The following KDM4B variants were observed in gnomAD, a reference collection of about 807,000 sequenced individuals.
The protein encoded by KDM4B is lysine-specific demethylase 4B.
In KDM4B, 32 loss-of-function variants were observed where a neutral mutation model predicts 125.2. That is an observed-to-expected ratio of 0.26 (90% confidence interval 0.19 to 0.34). The LOEUF is 0.34. Among genes scored for constraint, KDM4B ranks in the 10% least tolerant of loss-of-function variants. KDM4B has a pLI of 1.00. For synonymous variants in KDM4B, 721 were observed against 677.9 expected (o/e 1.06, Z -0.99); for missense variants, 1,190 against 1,577.7 (o/e 0.75, Z 4.16).
chr19:5,063,986 C>T (rs559147920), intron 6 of KDM4B, among the ~76,000 whole-genome samples: 41 of 152,304 alleles, frequency 2.7e-4, no homozygotes, highest in Admixed American at 2.0e-3. Flanking sequence ...TGTTGGGTCT[C>T]GCAGGAAGCC....
intron 9 of KDM4B, among the ~76,000 whole-genome samples, chr19:5,094,296 G>A (rs953669140): frequency 3.3e-5 from 5 of 152,266 alleles, no homozygotes; most frequent in African/African-American, 1.2e-4. Context: ...AGGATGCTGA[G>A]TAGCGCGGGG....
rs545853394 is a variant in KDM4B at position 5,142,000 on chromosome 19, G to T, written c.2551-1967G>T. ...CTCCTCAGGGGTTGGGGTTGTTTGC[G>T]AAAGCAGGTTGGTGGACAGCCACTG... On this transcript the variant is annotated intron_variant, in intron 18 of 22. Transcript: ENST00000159111. The surrounding 1 kb of genome is among the most constrained non-coding windows in gnomAD (Gnocchi z 6.4). Among the ~76,000 whole-genome samples the T allele has an allele frequency of 6.6e-6, 1 of 152,192 alleles. No homozygotes were observed. The highest frequency in any genetic ancestry group is 1.5e-5 in the Non-Finnish European group (1 of 68,018).
chr19:5,030,178 C>G (rs1301508341), intron 2 of KDM4B, among the ~76,000 whole-genome samples: 1 of 152,196 alleles, frequency 6.6e-6, no homozygotes, highest in East Asian at 1.9e-4. Context: ...GCAATCACAG[C>G]TCACTGAAGC....
chr19:5,071,328 A>C (rs997629899), intron 7 of KDM4B, among the ~76,000 whole-genome samples: 25 of 152,304 alleles, frequency 1.6e-4, no homozygotes, highest in African/African-American at 5.5e-4. Flanking sequence ...TTCTTAGCGC[A>C]AACTTCTTGG....
intron 3 of KDM4B, among the ~76,000 whole-genome samples, chr19:5,033,454 C>T (rs1290948032): frequency 6.6e-6 from 1 of 152,044 alleles, no homozygotes; most frequent in Non-Finnish European, 1.5e-5. Flanking sequence ...GTGGTGCATG[C>T]CTGTGGTCCC....
intron 9 of KDM4B, among the ~76,000 whole-genome samples, chr19:5,096,553 C>T (rs527344394): frequency 6.0e-4 from 92 of 152,310 alleles, no homozygotes; most frequent in Middle Eastern, 3.4e-3. Flanking sequence ...CACTTCCGTG[C>T]GATGTGGCAT....
intron 9 of KDM4B, among the ~76,000 whole-genome samples, chr19:5,094,888 C>G (rs539169388): frequency 1.1e-3 from 164 of 152,298 alleles, no homozygotes; most frequent in Non-Finnish European, 1.6e-3. Flanking sequence ...GTGGCCGTGT[C>G]CTGGGCAGCG....
chr19:5,095,879 G>A (rs1213831019), intron 9 of KDM4B, among the ~76,000 whole-genome samples: 3 of 152,214 alleles, frequency 2.0e-5, no homozygotes, highest in Non-Finnish European at 2.9e-5. Flanking sequence ...TGTTTCCCTG[G>A]GAATCAGACC....
Position 5,137,350 on chromosome 19 carries a change from C to T in KDM4B, c.2385+12C>T. 1 of 1,554,742 alleles carries T rather than the reference C, an allele frequency of 6.4e-7. No individual in the cohort carries two copies. The highest frequency in any genetic ancestry group is 1.2e-5 in the South Asian group (1 of 84,410). Reference sequence around the variant, plus strand: ...ACGCCTGGACTGCGGTAACTCGCTCCCCGCAGCGGGGGTGGTGCTCTGAGA... The same window carrying T: ...ACGCCTGGACTGCGGTAACTCGCTCTCCGCAGCGGGGGTGGTGCTCTGAGA... On this transcript the variant is annotated intron_variant, in intron 16 of 22. Transcript: ENST00000159111.
chr19:4,984,218 G>A (rs941944701), intron 1 of KDM4B, among the ~76,000 whole-genome samples: 2 of 152,238 alleles, frequency 1.3e-5, no homozygotes, highest in East Asian at 3.8e-4. Flanking sequence ...GCGCTGGCCA[G>A]GTTGGGCCCC....
intron 10 of KDM4B, among the ~76,000 whole-genome samples, chr19:5,117,546 G>A (rs1599221661): frequency 6.6e-6 from 1 of 152,126 alleles, no homozygotes; most frequent in African/African-American, 2.4e-5. Flanking sequence ...GCACCCCAGC[G>A]CCGGTCTGAA....
intron 6 of KDM4B, among the ~76,000 whole-genome samples, chr19:5,051,757 C>T (rs1007776503): frequency 6.6e-6 from 1 of 152,254 alleles, no homozygotes; most frequent in Non-Finnish European, 1.5e-5. Context: ...AGCAGCGGGG[C>T]GAAGGAGCGC....
intron 2 of KDM4B, among the ~76,000 whole-genome samples, chr19:5,028,814 C>G (rs1049751780): frequency 2.0e-5 from 3 of 152,200 alleles, no homozygotes; most frequent in African/African-American, 7.2e-5. Flanking sequence ...ATTTGCATTT[C>G]CCTGGTGCTG....
At chr19:5,056,223 T>G (rs1027545300) in intron 6 of KDM4B, among the ~76,000 whole-genome samples, 2 of 152,128 alleles carry the variant, frequency 1.3e-5, no homozygotes, top group Admixed American at 1.3e-4. Context: ...CGAAGGGCCC[T>G]CCCATCACAT....
rs1238988576 is a variant in KDM4B, at chr19:5,135,545, C to T, written c.2292C>T (p.Cys764=). The T allele has an allele frequency of 1.9e-6, 3 of 1,600,378 alleles. No individual in the cohort carries two copies. The highest frequency in any genetic ancestry group is 2.6e-6 in the Non-Finnish European group (3 of 1,175,166). Residue 764 remains cysteine (C), a synonymous_variant, in exon 15 of 23, where the codon TGC becomes TGT. Coordinates refer to ENST00000159111, the MANE Select transcript of KDM4B (RefSeq NM_015015.3). ...CCCTGATCGCCTGCGGCAAGTGCTG[C>T]CTGCAGGTCCATGCCAGTGAGTGCC... ...TSPLIACGKC[C]LQVHASCYGI... is the part of the protein sequence containing the mutation.
intron 6 of KDM4B, among the ~76,000 whole-genome samples, chr19:5,055,994 T>C (rs1181370933): frequency 6.6e-6 from 1 of 152,188 alleles, no homozygotes; most frequent in Non-Finnish European, 1.5e-5. Flanking sequence ...CGTTGTCTTT[T>C]CTGTCCCCTG....
intron 6 of KDM4B, among the ~76,000 whole-genome samples, chr19:5,068,037 C>G (rs563178765): frequency 6.6e-6 from 1 of 152,266 alleles, no homozygotes; most frequent in Admixed American, 6.5e-5. Flanking sequence ...ACAGATGCTC[C>G]CCCTGCCTCG....
Position 5,144,340 on chromosome 19 carries a change from C to T in KDM4B, c.2829C>T (p.Ala943=). The change falls in exon 20 of 23, where the codon GCC becomes GCT. Residue 943 remains alanine, a synonymous_variant. Transcript: ENST00000159111. ...ACCGCTGTCGCGTCATCGGTGCCGCCTCGCAGACCTGCTACGAAGTGAACT... is the reference window on the plus strand; with the variant it reads ...ACCGCTGTCGCGTCATCGGTGCCGCTTCGCAGACCTGCTACGAAGTGAACT... ...LYYRCRVIGA[A]SQTCYEVNFD... 6.5e-7 allele frequency: 1 copy of T among 1,546,298 alleles called. No individual in the cohort carries two copies. Among genetic ancestry groups the T allele is most frequent in the Non-Finnish European group, 8.7e-7 (1 of 1,146,446 alleles).
At chr19:5,140,354 A>G in intron 18 of KDM4B, 1 of 152,488 alleles carries the variant, frequency 6.6e-6, no homozygotes, top group East Asian at 1.9e-4. Context: ...CGCACAAGGC[A>G]CTTGGGGCTG....
Sources: gnomAD v4.1 joint callset for allele counts (sites outside exome capture counted in the v4.1 genomes callset) on GRCh38, gnomAD v4.1.1 for gene constraint, Gnocchi (gnomAD v3.1) non-coding constraint, MANE v1.5 for transcripts, NCBI Gene and HGNC (gene_info 2026-07-23, HGNC 2026-07-21) for gene names.